CDKN1C: variants seen among roughly 807,000 people sequenced by gnomAD.
The protein encoded by CDKN1C is cyclin-dependent kinase inhibitor 1C.
CDKN1C carries 7 observed loss-of-function variants against 16.5 expected under a neutral mutation model. The ratio of observed to expected loss-of-function variants is 0.42; its 90% CI spans 0.24 to 0.80. The LOEUF is 0.80. Among genes scored for constraint, CDKN1C ranks in the 30% least tolerant of loss-of-function variants. The pLI, the probability that CDKN1C is intolerant of heterozygous loss-of-function variation, is 0.26. For synonymous variants in CDKN1C, 288 were observed against 214.4 expected, an observed-to-expected ratio of 1.34 and a Z score of -3.00; for missense variants, 429 against 437.3, an observed-to-expected ratio of 0.98 and a Z score of 0.17.
In CDKN1C at chr11:2,885,628, G is replaced by A. The variant is rs1017262639; in HGVS notation, c.-11+6C>T. On this transcript the variant is annotated splice_donor_region_variant and intron_variant, in intron 1 of 3. Coordinates refer to ENST00000440480, the MANE Select transcript of CDKN1C (RefSeq NM_001122630.2). ...ACTCTGCGTGTGCGAGGGACGCGGC[G>A]GCTACCTGGCTGTCCGGTGGTGGAC... 6.6e-6 allele frequency: 7 copies of A among 1,059,008 alleles called. No individual in the cohort carries two copies. Among genetic ancestry groups the A allele is most frequent in the East Asian group, 5.2e-5 (2 of 38,450 alleles). The allele number at this position is 1,059,008 out of a possible 1,614,324, so 65.6% of individuals were successfully genotyped here. A position where few individuals can be genotyped will look rare whatever the true frequency, so the allele number is the denominator to read the frequency against.
Position 2,883,656 on chromosome 11 carries a change from C to CAG in CDKN1C, c.*263_*264dup, listed in dbSNP as rs776125747. On this transcript the variant is annotated 3_prime_UTR_variant, in exon 4 of 4. Transcript: ENST00000440480. ...TTCTTTTTTTTGCACTGAGTTTCAG[C>CAG]AGAGATTAAACATTTTATATAAATG... 2 of 683,680 alleles carry CAG rather than the reference C, an allele frequency of 2.9e-6. No individual in the cohort carries two copies. Among genetic ancestry groups the CAG allele is most frequent in the Non-Finnish European group, 4.1e-6 (2 of 482,570 alleles). The allele number at this position is 683,680 out of a possible 1,614,324, so 42.4% of individuals were successfully genotyped here. A position where few individuals can be genotyped will look rare whatever the true frequency, so the allele number is the denominator to read the frequency against.
rs1279718219 is a variant in CDKN1C at position 2,883,692 on chromosome 11, C to G, written c.*229G>C. On this transcript the variant is annotated 3_prime_UTR_variant, in exon 4 of 4. Transcript: ENST00000440480. ...CATTTTATATAAATGACTCTTAAAG[C>G]TTTACACCTTGGGACCAGTGTACCT... 9.6e-7 allele frequency: 1 copy of G among 1,043,840 alleles called. No homozygotes were observed. The highest frequency in any genetic ancestry group is 1.3e-6 in the Non-Finnish European group (1 of 781,682). 64.7% of individuals were successfully genotyped at this position (1,043,840 alleles called of 1,614,324 possible).
In CDKN1C at chr11:2,883,908, G is replaced by T; in HGVS notation, c.*13C>A. 1 of 1,587,578 alleles carries T rather than the reference G, an allele frequency of 6.3e-7. No individual in the cohort carries two copies. Among genetic ancestry groups the T allele is most frequent in the Non-Finnish European group, 8.6e-7 (1 of 1,167,590 alleles). ...GGCAGGTTCCCTCGGGGCTCTTTGG[G>T]CTCTAAACTGCGAGGAGAGGGGCGG... On this transcript the variant is annotated 3_prime_UTR_variant, in exon 4 of 4. Coordinates refer to ENST00000440480, the MANE Select transcript of CDKN1C (RefSeq NM_001122630.2).
At chr11:2,884,480 C>A in intron 2 of CDKN1C, 190 bp downstream of exon 2, 1 of 339,820 alleles carries the variant, frequency 2.9e-6, no homozygotes, top group Non-Finnish European at 5.2e-6. Flanking sequence ...CCCGCCCGCG[C>A]GAAGCCGCTG....
chr11:2,885,478 C>G lies in CDKN1C; in HGVS notation c.-10-12G>C, dbSNP rs1220484886. 1.9e-6 allele frequency: 3 copies of G among 1,543,812 alleles called. No individual in the cohort carries two copies. The East Asian group carries it at 7.3e-5, about 38-fold the overall frequency. The stretch of plus-strand genomic sequence containing the variant: ...CCATCGTGGATGTGCTGCGGAGGGA[C>G]GCGTCGGACATGGCCCGGGGCTGCG... On this transcript the variant is annotated splice_polypyrimidine_tract_variant and intron_variant, in intron 1 of 3. Coordinates refer to ENST00000440480, the MANE Select transcript of CDKN1C (RefSeq NM_001122630.2).
In CDKN1C at chr11:2,885,267, C is replaced by T. The variant is rs1224283171; in HGVS notation, c.190G>A (p.Gly64Arg). ...TCCACTTCGGTCCACTGCAGGCGTC[C>T]AGGGCCCCGCAGCGGCATGTCCTGC... is the stretch of plus-strand genomic sequence containing the variant. ...FQQDMPLRGPGRLQWTEVDSD... is the reference protein window; with the variant it reads ...FQQDMPLRGPRRLQWTEVDSD... The change falls in exon 2 of 4, where the codon GGA (glycine) becomes AGA (arginine). Residue 64 changes from glycine (G) to arginine (R), a missense_variant. By Grantham distance (125) the Gly-to-Arg change is moderately radical. Coordinates refer to ENST00000440480, the MANE Select transcript of CDKN1C (RefSeq NM_001122630.2). 1.3e-6 allele frequency: 2 copies of T among 1,577,382 alleles called. No homozygotes were observed. Among genetic ancestry groups the T allele is most frequent in the Admixed American group, 3.6e-5 (2 of 55,384 alleles).
At position 2,883,867 on chromosome 11, in the gene CDKN1C, C is replaced by A. The variant is rs1174779859; in HGVS notation, c.*54G>T. The A allele has an allele frequency of 6.4e-7, 1 of 1,557,822 alleles. No homozygotes were observed. Among genetic ancestry groups the A allele is most frequent in the Middle Eastern group, 1.7e-4 (1 of 5,958 alleles). ...TCCCAGCCGAGGCCCAGCGCCCTTC[C>A]AACGTCCGCTGCCCCGGCAGGTTCC... On this transcript the variant is annotated 3_prime_UTR_variant, in exon 4 of 4. Coordinates refer to ENST00000440480, the MANE Select transcript of CDKN1C (RefSeq NM_001122630.2).
Position 2,884,932 on chromosome 11 carries a change from C to A in CDKN1C, c.525G>T (p.Pro175=). Residue 175 remains proline (P), a synonymous_variant, in exon 2 of 4, where the codon CCG becomes CCT. Coordinates refer to ENST00000440480, the MANE Select transcript of CDKN1C (RefSeq NM_001122630.2). ...CTGGAGCCGGGGCCGGAGCCGGAGC[C>A]GGAGCCGGGGCCGGGGCCGGGGCCA... ...AVLAPAPAPA[P]APAPAPAPVA... 2 of 941,084 alleles carry A rather than the reference C, an allele frequency of 2.1e-6. No homozygotes were observed. The highest frequency in any genetic ancestry group is 2.6e-6 in the Non-Finnish European group (2 of 764,608). The allele number at this position is 941,084 out of a possible 1,614,324, so 58.3% of individuals were successfully genotyped here.
At chr11:2,884,197 CG>C in intron 2 of CDKN1C, 63 bp from the exon 3 acceptor site, 1 of 1,211,952 alleles carries the variant, frequency 8.3e-7, no homozygotes, top group Non-Finnish European at 1.0e-6. Flanking sequence ...GAGAGGGGGC[CG>C]GGAGAGGGCG....
chr11:2,885,451 C>T lies in CDKN1C; in HGVS notation c.6G>A (p.Glu2=), dbSNP rs1416264447. 2.6e-6 allele frequency: 4 copies of T among 1,546,610 alleles called. No homozygotes were observed. The highest frequency in any genetic ancestry group is 2.7e-5 in the African/African-American group (2 of 73,104). The change falls in exon 2 of 4, where the codon GAG becomes GAA. Residue 2 remains glutamate, a synonymous_variant. Coordinates refer to ENST00000440480, the MANE Select transcript of CDKN1C (RefSeq NM_001122630.2). Reference sequence around the variant, plus strand: ...GGAAGGTCCCACGGGCGACAAGACGCTCCATCGTGGATGTGCTGCGGAGGG... The same window carrying T: ...GGAAGGTCCCACGGGCGACAAGACGTTCCATCGTGGATGTGCTGCGGAGGG... The part of the protein sequence containing the change: M[E]RLVARGTFPV...
At position 2,884,946 on chromosome 11, in the gene CDKN1C, G is replaced by T; in HGVS notation, c.511C>A (p.Pro171Thr). 9.9e-7 allele frequency: 1 copy of T among 1,008,918 alleles called. No individual in the cohort carries two copies. The highest frequency in any genetic ancestry group is 1.2e-6 in the Non-Finnish European group (1 of 809,210). The allele number at this position is 1,008,918 out of a possible 1,614,324, so 62.5% of individuals were successfully genotyped here. A position where few individuals can be genotyped will look rare whatever the true frequency, so the allele number is the denominator to read the frequency against. ...GGAGCCGGAGCCGGAGCCGGGGCCGGGGCCGGGGCCAGGACCGCGACCGCG... is the reference window on the plus strand; with the variant it reads ...GGAGCCGGAGCCGGAGCCGGGGCCGTGGCCGGGGCCAGGACCGCGACCGCG... The part of the protein sequence containing the change: ...PVAVAVLAPA[P>T]APAPAPAPAP... The change falls in exon 2 of 4, where the codon CCG becomes ACG. Residue 171 changes from proline to threonine, a missense_variant. Transcript: ENST00000440480.
In CDKN1C at chr11:2,884,120, G is replaced by A; in HGVS notation, c.802C>T (p.Arg268Cys). 1 of 1,499,106 alleles carries A rather than the reference G, an allele frequency of 6.7e-7. No individual in the cohort carries two copies. Among genetic ancestry groups the A allele is most frequent in the Non-Finnish European group, 8.9e-7 (1 of 1,120,880 alleles). 92.9% of individuals were successfully genotyped at this position (1,499,106 alleles called of 1,614,324 possible). Reference sequence around the variant, plus strand: ...GACTTCTCAGGCGCTGATCTCTTGCGCTTGGCGAAGAAATCTGCGGGCGAC... The same window carrying A: ...GACTTCTCAGGCGCTGATCTCTTGCACTTGGCGAAGAAATCTGCGGGCGAC... ...GPLISDFFAK[R>C]KRSAPEKSSG... Residue 268 changes from arginine (R) to cysteine (C), a missense_variant, in exon 3 of 4, where the codon CGC (arginine) becomes TGC (cysteine). Arg to Cys is a radical substitution (Grantham distance 180). Coordinates refer to ENST00000440480, the MANE Select transcript of CDKN1C (RefSeq NM_001122630.2).
rs546016935 is a variant in CDKN1C, at chr11:2,884,788, G to C, written c.669C>G (p.Gly223=). The C allele has an allele frequency of 3.3e-4, 486 of 1,487,316 alleles. No homozygotes were observed. The highest frequency in any genetic ancestry group is 4.2e-4 in the Non-Finnish European group (467 of 1,119,256). The allele number at this position is 1,487,316 out of a possible 1,614,324, so 92.1% of individuals were successfully genotyped here. A position where few individuals can be genotyped will look rare whatever the true frequency, so the allele number is the denominator to read the frequency against. ...AEQGANQGQR[G]QEPLADQLHS... Reference sequence around the variant, plus strand: ...GCAGCTGGTCAGCGAGAGGCTCCTGGCCGCGCTGCCCCTGGTTCGCGCCCT... The same window carrying C: ...GCAGCTGGTCAGCGAGAGGCTCCTGCCCGCGCTGCCCCTGGTTCGCGCCCT... The change falls in exon 2 of 4, where the codon GGC becomes GGG. Residue 223 remains glycine (G), a synonymous_variant. Transcript: ENST00000440480.
In CDKN1C at chr11:2,883,907, G is replaced by A. The variant is rs1281208086; in HGVS notation, c.*14C>T. ...CGGCAGGTTCCCTCGGGGCTCTTTG[G>A]GCTCTAAACTGCGAGGAGAGGGGCG... On this transcript the variant is annotated 3_prime_UTR_variant, in exon 4 of 4. Transcript: ENST00000440480. The A allele has an allele frequency of 3.2e-6, 5 of 1,586,260 alleles. No individual in the cohort carries two copies. Among genetic ancestry groups the A allele is most frequent in the East Asian group, 4.6e-5 (2 of 43,580 alleles).
rs1848860637 is a variant in CDKN1C at position 2,883,793 on chromosome 11, C to A, written c.*128G>T. The A allele has an allele frequency of 6.7e-7, 1 of 1,499,788 alleles. No individual in the cohort carries two copies. Among genetic ancestry groups the A allele is most frequent in the Non-Finnish European group, 8.8e-7 (1 of 1,132,604 alleles). The allele number at this position is 1,499,788 out of a possible 1,614,324, so 92.9% of individuals were successfully genotyped here. On this transcript the variant is annotated 3_prime_UTR_variant, in exon 4 of 4. Coordinates refer to ENST00000440480, the MANE Select transcript of CDKN1C (RefSeq NM_001122630.2). ...CAGTTTTCAAAATTTAAAAACAAAA[C>A]CGAACGCTGCTCTGCGGCAGCCGCC...
In CDKN1C at chr11:2,883,773, T is replaced by C; in HGVS notation, c.*148A>G. 6.8e-7 allele frequency: 1 copy of C among 1,478,520 alleles called. No individual in the cohort carries two copies. The highest frequency in any genetic ancestry group is 1.3e-5 in the South Asian group (1 of 74,506). 91.6% of individuals were successfully genotyped at this position (1,478,520 alleles called of 1,614,324 possible). A position where few individuals can be genotyped will look rare whatever the true frequency, so the allele number is the denominator to read the frequency against. ...GACGTTATTAATACATTGCACAGTT[T>C]TCAAAATTTAAAAACAAAACCGAAC... On this transcript the variant is annotated 3_prime_UTR_variant, in exon 4 of 4. Coordinates refer to ENST00000440480, the MANE Select transcript of CDKN1C (RefSeq NM_001122630.2).
Position 2,885,049 on chromosome 11 carries a change from G to A in CDKN1C, c.408C>T (p.Thr136=), listed in dbSNP as rs1590150476. The A allele has an allele frequency of 1.5e-6, 2 of 1,340,900 alleles. No homozygotes were observed. Among genetic ancestry groups the A allele is most frequent in the Non-Finnish European group, 1.9e-6 (2 of 1,052,296 alleles). The allele number at this position is 1,340,900 out of a possible 1,614,324, so 83.1% of individuals were successfully genotyped here. The part of the protein sequence containing the change: ...PSVPVPAPAS[T]PPPVPVLAPA... The stretch of plus-strand genomic sequence containing the variant: ...GAGCCAGGACCGGGACTGGGGGCGG[G>A]GTGGACGCCGGGGCCGGGACCGGGA... The change falls in exon 2 of 4, where the codon ACC becomes ACT. Residue 136 remains threonine, a synonymous_variant. Transcript: ENST00000440480.
chr11:2,885,369 C>A lies in CDKN1C; in HGVS notation c.88G>T (p.Glu30Ter), dbSNP rs483352967. 2.5e-6 allele frequency: 4 copies of A among 1,582,886 alleles called. No homozygotes were observed. Among genetic ancestry groups the A allele is most frequent in the Admixed American group, 1.8e-5 (1 of 56,500 alleles). The change falls in exon 2 of 4, where the codon GAG becomes TAG. Residue 30 changes from glutamate (E) to a stop codon, truncating the protein, a stop_gained. Transcript: ENST00000440480. LOFTEE classifies it high-confidence loss of function. Reference sequence around the variant, plus strand: ...CGGGCCTGCAGCTCGCGGCTCAGCTCCTCGTGGTCCACCGGCCCGAAGAGG... The same window carrying A: ...CGGGCCTGCAGCTCGCGGCTCAGCTACTCGTGGTCCACCGGCCCGAAGAGG... ...RSLFGPVDHE[E>*]LSRELQARLA...
rs1442811449 is a variant in CDKN1C at position 2,883,264 on chromosome 11, G to A, written c.*657C>T. 1 of 152,354 alleles carries A rather than the reference G, an allele frequency of 6.6e-6. No individual in the cohort carries two copies. Among genetic ancestry groups the A allele is most frequent in the East Asian group, 1.9e-4 (1 of 5,200 alleles). 9.4% of individuals were successfully genotyped at this position (152,354 alleles called of 1,614,324 possible). On this transcript the variant is annotated 3_prime_UTR_variant, in exon 4 of 4. Coordinates refer to ENST00000440480, the MANE Select transcript of CDKN1C (RefSeq NM_001122630.2). The stretch of plus-strand genomic sequence containing the variant: ...TTATTTAGAACCCGGCGGACGAGGG[G>A]CCGGGGCAGTGGTACAGACGGCTCA...
Sources: allele counts gnomAD v4.1 joint callset, GRCh38; gene constraint gnomAD v4.1.1; transcripts MANE v1.5; gene names NCBI Gene and HGNC (gene_info 2026-07-23, HGNC 2026-07-21).